Variants in RPRML observed in about 807,000 individuals in gnomAD.
RPRML encodes reprimo like.
RPRML carries 4 observed loss-of-function variants against 5.2 expected under a neutral mutation model. That is an observed-to-expected ratio of 0.77 (90% CI 0.38 to 1.76). The LOEUF is 1.76. Among genes scored for constraint, RPRML ranks in the 40% most tolerant of loss-of-function variants. The pLI, the probability that RPRML is intolerant of heterozygous loss-of-function variation, is 0.04. For synonymous variants in RPRML, 79 were observed against 89.1 expected (o/e 0.89, Z 0.64); for missense variants, 181 against 177.7 (o/e 1.02, Z -0.11).
chr17:46,978,437 G>C lies in RPRML; in HGVS notation c.*208C>G. 1 of 541,220 alleles carries C rather than the reference G, an allele frequency of 1.8e-6. No homozygotes were observed. Among genetic ancestry groups the C allele is most frequent in the East Asian group, 3.5e-5 (1 of 28,838 alleles). The allele number at this position is 541,220 out of a possible 1,614,324, so 33.5% of individuals were successfully genotyped here. A position where few individuals can be genotyped will look rare whatever the true frequency, so the allele number is the denominator to read the frequency against. ...CCCTCACCCCACATTCTCCCACCCC[G>C]CAACGCTGCAGCGCACACAGGACAG... On this transcript the variant is annotated 3_prime_UTR_variant, in exon 1 of 1. Coordinates refer to ENST00000322329, the MANE Select transcript of RPRML (RefSeq NM_203400.5).
rs375223858 is a variant in RPRML, at chr17:46,978,395, A to AAG, written c.*249_*250insCT. On this transcript the variant is annotated 3_prime_UTR_variant, in exon 1 of 1. Coordinates refer to ENST00000322329, the MANE Select transcript of RPRML (RefSeq NM_203400.5). The stretch of plus-strand genomic sequence containing the variant: ...GAACGTCTTAAAAAACAAACAAACA[A>AAG]AAAAAACTGGTAAGAACCCTCACCC... 2.0e-6 allele frequency: 1 copy of AAG among 499,720 alleles called. No homozygotes were observed. Among genetic ancestry groups the AAG allele is most frequent in the African/African-American group, 2.1e-5 (1 of 48,176 alleles). 31.0% of individuals were successfully genotyped at this position (499,720 alleles called of 1,614,324 possible).
Position 46,979,026 on chromosome 17 carries a change from G to C in RPRML, c.-19C>G. 7.2e-7 allele frequency: 1 copy of C among 1,388,546 alleles called. No homozygotes were observed. The highest frequency in any genetic ancestry group is 9.2e-7 in the Non-Finnish European group (1 of 1,083,926). 86.0% of individuals were successfully genotyped at this position (1,388,546 alleles called of 1,614,324 possible). On this transcript the variant is annotated 5_prime_UTR_variant, in exon 1 of 1. Transcript: ENST00000322329. ...CGTTCATCGCCGCGCGGCGCCGGGG[G>C]TCTCGGCGCGCAGTCCCGGGTGCAC...
Position 46,978,601 on chromosome 17 carries a change from G to A in RPRML, c.*44C>T, listed in dbSNP as rs2091465056. 2 of 1,539,974 alleles carry A rather than the reference G, an allele frequency of 1.3e-6. No homozygotes were observed. The highest frequency in any genetic ancestry group is 1.7e-6 in the Non-Finnish European group (2 of 1,145,006). On this transcript the variant is annotated 3_prime_UTR_variant, in exon 1 of 1. Coordinates refer to ENST00000322329, the MANE Select transcript of RPRML (RefSeq NM_203400.5). ...CGGGGCGAGGGTCCGGGTCTCCGGGGTCCTTCTTGCAGCAGCGCTGGCGAG... is the reference window on the plus strand; with the variant it reads ...CGGGGCGAGGGTCCGGGTCTCCGGGATCCTTCTTGCAGCAGCGCTGGCGAG...
In RPRML at chr17:46,979,176, T is replaced by G; in HGVS notation, c.-169A>C. 5 of 665,090 alleles carry G rather than the reference T, an allele frequency of 7.5e-6. No homozygotes were observed. The allele number at this position is 665,090 out of a possible 1,614,324, so 41.2% of individuals were successfully genotyped here. A position where few individuals can be genotyped will look rare whatever the true frequency, so the allele number is the denominator to read the frequency against. ...TGCGCGCTCTCGGGCCGCCTACCCC[T>G]GGGCACCGGGCGGGAAGCGACCGCC... On this transcript the variant is annotated 5_prime_UTR_variant, in exon 1 of 1. Coordinates refer to ENST00000322329, the MANE Select transcript of RPRML (RefSeq NM_203400.5).
chr17:46,979,145 G>A lies in RPRML; in HGVS notation c.-138C>T. The A allele has an allele frequency of 1.1e-6, 1 of 947,188 alleles. No homozygotes were observed. Among genetic ancestry groups the A allele is most frequent in the Non-Finnish European group, 1.4e-6 (1 of 708,246 alleles). 58.7% of individuals were successfully genotyped at this position (947,188 alleles called of 1,614,324 possible). On this transcript the variant is annotated 5_prime_UTR_variant, in exon 1 of 1. Transcript: ENST00000322329. Reference sequence around the variant, plus strand: ...GGGAGGGGACGAAGGCGGGAGGCTGGCTGCCTGCGCGCTCTCGGGCCGCCT... The same window carrying A: ...GGGAGGGGACGAAGGCGGGAGGCTGACTGCCTGCGCGCTCTCGGGCCGCCT...
chr17:46,978,584 G>C lies in RPRML; in HGVS notation c.*61C>G, dbSNP rs1476337538. 1 of 1,523,192 alleles carries C rather than the reference G, an allele frequency of 6.6e-7. No homozygotes were observed. The highest frequency in any genetic ancestry group is 1.4e-5 in the African/African-American group (1 of 70,062). The allele number at this position is 1,523,192 out of a possible 1,614,324, so 94.4% of individuals were successfully genotyped here. A position where few individuals can be genotyped will look rare whatever the true frequency, so the allele number is the denominator to read the frequency against. On this transcript the variant is annotated 3_prime_UTR_variant, in exon 1 of 1. Transcript: ENST00000322329. The stretch of plus-strand genomic sequence containing the variant: ...CGGCAGAGCGCAGAGAGCGGGGCGA[G>C]GGTCCGGGTCTCCGGGGTCCTTCTT...
Position 46,978,909 on chromosome 17 carries a change from G to T in RPRML, c.99C>A (p.Gly33=). 1 of 1,476,434 alleles carries T rather than the reference G, an allele frequency of 6.8e-7. No homozygotes were observed. Among genetic ancestry groups the T allele is most frequent in the Non-Finnish European group, 8.9e-7 (1 of 1,122,274 alleles). 91.5% of individuals were successfully genotyped at this position (1,476,434 alleles called of 1,614,324 possible). ...CCCCTGGACAGCAGCCCAGCCACGT[G>T]CCCAGCCCGTGGGTGCGGTTTCCCA... ...AALGNRTHGL[G]TWLGCCPGGA... The change falls in exon 1 of 1, where the codon GGC becomes GGA. Residue 33 remains glycine (G), a synonymous_variant. Transcript: ENST00000322329.
Position 46,979,252 on chromosome 17 carries a change from G to T in RPRML, c.-245C>A. On this transcript the variant is annotated 5_prime_UTR_variant, in exon 1 of 1. Coordinates refer to ENST00000322329, the MANE Select transcript of RPRML (RefSeq NM_203400.5). ...AGGAGCTGGAGCCGGAGAACCTAGT[G>T]TGCTTAGCGGTCGCCCGCTGGGTTC... 2.8e-6 allele frequency: 1 copy of T among 358,324 alleles called. No individual in the cohort carries two copies. 22.2% of individuals were successfully genotyped at this position (358,324 alleles called of 1,614,324 possible).
At position 46,978,329 on chromosome 17, in the gene RPRML, A is replaced by C. The variant is rs113736567; in HGVS notation, c.*316T>G. 5.3e-5 allele frequency: 20 copies of C among 374,208 alleles called. No individual in the cohort carries two copies. The highest frequency in any genetic ancestry group is 7.1e-4 in the Middle Eastern group (1 of 1,408). The allele number at this position is 374,208 out of a possible 1,614,324, so 23.2% of individuals were successfully genotyped here. ...ACAAAACTCCCACGCGAGCGACCGCAGTCCCAAATTGCATCTCCATACCCA... is the reference window on the plus strand; with the variant it reads ...ACAAAACTCCCACGCGAGCGACCGCCGTCCCAAATTGCATCTCCATACCCA... On this transcript the variant is annotated 3_prime_UTR_variant, in exon 1 of 1. Transcript: ENST00000322329.
Position 46,978,465 on chromosome 17 carries a change from C to G in RPRML, c.*180G>C, listed in dbSNP as rs955055839. 9.4e-6 allele frequency: 6 copies of G among 637,272 alleles called. No individual in the cohort carries two copies. Among genetic ancestry groups the G allele is most frequent in the Non-Finnish European group, 1.6e-5 (6 of 386,726 alleles). The allele number at this position is 637,272 out of a possible 1,614,324, so 39.5% of individuals were successfully genotyped here. ...ACGCTGCAGCGCACACAGGACAGAG[C>G]CGGGCGTCCAAGTCCCTTCCCGCGC... On this transcript the variant is annotated 3_prime_UTR_variant, in exon 1 of 1. Transcript: ENST00000322329.
rs764311405 is a variant in RPRML, at chr17:46,978,878, G to A, written c.130C>T (p.Pro44Ser). Residue 44 changes from proline (P) to serine (S), a missense_variant, in exon 1 of 1, where the codon CCG becomes TCG. Pro to Ser is a moderately conservative substitution (Grantham distance 74). Coordinates refer to ENST00000322329, the MANE Select transcript of RPRML (RefSeq NM_203400.5). ...TWLGCCPGGA[P>S]LAASDGVPAG... is the part of the protein sequence containing the mutation. ...GGGACCCCGTCGCTGGCGGCCAGCGGTGCGCCCCCTGGACAGCAGCCCAGC... is the reference window on the plus strand; with the variant it reads ...GGGACCCCGTCGCTGGCGGCCAGCGATGCGCCCCCTGGACAGCAGCCCAGC... 1.3e-5 allele frequency: 20 copies of A among 1,558,908 alleles called. No homozygotes were observed. The South Asian group carries it at 1.8e-4, about 14-fold the overall frequency.
Position 46,978,638 on chromosome 17 carries a change from A to G in RPRML, c.*7T>C. On this transcript the variant is annotated 3_prime_UTR_variant, in exon 1 of 1. Transcript: ENST00000322329. ...GCAGCGCTGGCGAGGGCGGACCCAG[A>G]TGGCGCTCAGTACAGCCCCAGGATG... 3 of 1,586,868 alleles carry G rather than the reference A, an allele frequency of 1.9e-6. No homozygotes were observed. Among genetic ancestry groups the G allele is most frequent in the Non-Finnish European group, 2.6e-6 (3 of 1,168,750 alleles).
rs1394565438 is a variant in RPRML at position 46,978,359 on chromosome 17, C to G, written c.*286G>C. ...CAAATTGCATCTCCATACCCACTCC[C>G]ACCCTGCCCCGAACGTCTTAAAAAA... On this transcript the variant is annotated 3_prime_UTR_variant, in exon 1 of 1. Coordinates refer to ENST00000322329, the MANE Select transcript of RPRML (RefSeq NM_203400.5). 26 of 444,936 alleles carry G rather than the reference C, an allele frequency of 5.8e-5. No homozygotes were observed. The highest frequency in any genetic ancestry group is 8.7e-5 in the Non-Finnish European group (22 of 252,882). The allele number at this position is 444,936 out of a possible 1,614,324, so 27.6% of individuals were successfully genotyped here. A position where few individuals can be genotyped will look rare whatever the true frequency, so the allele number is the denominator to read the frequency against.
rs1189889144 is a variant in RPRML, at chr17:46,978,854, G to A, written c.154C>T (p.Pro52Ser). 3.1e-6 allele frequency: 5 copies of A among 1,589,102 alleles called. No homozygotes were observed. Residue 52 changes from proline to serine, a missense_variant, in exon 1 of 1, where the codon CCC (proline) becomes TCC (serine). By Grantham distance (74) the Pro-to-Ser change is moderately conservative (BLOSUM62 -1). Transcript: ENST00000322329. ...CGCTCGTCGGGCGCCAGCCCCGCGG[G>A]GACCCCGTCGCTGGCGGCCAGCGGT... ...GAPLAASDGV[P>S]AGLAPDERSL...
In RPRML at chr17:46,979,151, T is replaced by C; in HGVS notation, c.-144A>G. On this transcript the variant is annotated 5_prime_UTR_variant, in exon 1 of 1. Transcript: ENST00000322329. ...GGACGAAGGCGGGAGGCTGGCTGCC[T>C]GCGCGCTCTCGGGCCGCCTACCCCT... The C allele has an allele frequency of 1.1e-6, 1 of 911,486 alleles. No homozygotes were observed. The highest frequency in any genetic ancestry group is 1.8e-5 in the African/African-American group (1 of 56,904). The allele number at this position is 911,486 out of a possible 1,614,324, so 56.5% of individuals were successfully genotyped here.
chr17:46,979,134 G>T lies in RPRML; in HGVS notation c.-127C>A. 9.5e-7 allele frequency: 1 copy of T among 1,051,528 alleles called. No homozygotes were observed. The highest frequency in any genetic ancestry group is 1.2e-6 in the Non-Finnish European group (1 of 803,876). 65.1% of individuals were successfully genotyped at this position (1,051,528 alleles called of 1,614,324 possible). On this transcript the variant is annotated 5_prime_UTR_variant, in exon 1 of 1. Coordinates refer to ENST00000322329, the MANE Select transcript of RPRML (RefSeq NM_203400.5). The stretch of plus-strand genomic sequence containing the variant: ...CCTGCGGTACGGGGAGGGGACGAAG[G>T]CGGGAGGCTGGCTGCCTGCGCGCTC...
chr17:46,978,747 C>T lies in RPRML; in HGVS notation c.261G>A (p.Leu87=), dbSNP rs753999116. ...CGGACTTGATGAGCAGGTTGCAGCC[C>T]AGGAAGAAGACGCCGAAGACCACGG... ...SLTVVFGVFF[L]GCNLLIKSES... The change falls in exon 1 of 1, where the codon CTG becomes CTA. Residue 87 remains leucine, a synonymous_variant. Coordinates refer to ENST00000322329, the MANE Select transcript of RPRML (RefSeq NM_203400.5). 1.2e-6 allele frequency: 2 copies of T among 1,612,570 alleles called. No homozygotes were observed. Among genetic ancestry groups the T allele is most frequent in the East Asian group, 2.2e-5 (1 of 44,840 alleles).
Position 46,978,603 on chromosome 17 carries a change from CCTT to C in RPRML, c.*39_*41del, listed in dbSNP as rs1242575144. On this transcript the variant is annotated 3_prime_UTR_variant, in exon 1 of 1. Transcript: ENST00000322329. ...GGGCGAGGGTCCGGGTCTCCGGGGT[CCTT>C]CTTGCAGCAGCGCTGGCGAGGGCGG... 6.5e-7 allele frequency: 1 copy of C among 1,541,634 alleles called. No homozygotes were observed. The highest frequency in any genetic ancestry group is 1.4e-5 in the African/African-American group (1 of 70,946).
Position 46,978,225 on chromosome 17 carries a change from C to T in RPRML, c.*420G>A, listed in dbSNP as rs2147357266. ...TTTCTTTCCAAACGCAAGATCAGGCCAACAAGCTCAGCGACTCTGACGCTT... is the reference window on the plus strand; with the variant it reads ...TTTCTTTCCAAACGCAAGATCAGGCTAACAAGCTCAGCGACTCTGACGCTT... On this transcript the variant is annotated 3_prime_UTR_variant, in exon 1 of 1. Coordinates refer to ENST00000322329, the MANE Select transcript of RPRML (RefSeq NM_203400.5). 4.9e-6 allele frequency: 1 copy of T among 203,318 alleles called. No homozygotes were observed. Among genetic ancestry groups the T allele is most frequent in the Middle Eastern group, 1.8e-3 (1 of 556 alleles). The allele number at this position is 203,318 out of a possible 1,614,324, so 12.6% of individuals were successfully genotyped here.
Sources: allele counts gnomAD v4.1 joint callset, GRCh38; gene constraint gnomAD v4.1.1; transcripts MANE v1.5; gene names NCBI Gene and HGNC (gene_info 2026-07-23, HGNC 2026-07-21).